ZFHX4: variants seen among roughly 807,000 people sequenced by gnomAD.
ZFHX4 encodes the protein zinc finger homeobox protein 4.
ZFHX4 carries 56 observed loss-of-function variants against 267.6 expected under a neutral mutation model. The observed-to-expected ratio is 0.21, with a 90% CI of 0.17 to 0.26. ZFHX4 has a LOEUF of 0.26. Ranked by LOEUF, ZFHX4 falls within the 10% of genes least tolerant of loss-of-function variation. ZFHX4 has a pLI of 1.00. For missense variants in ZFHX4, 4,332 were observed against 4,420.0 expected, an observed-to-expected ratio of 0.98 and a Z score of 0.56; for synonymous variants, 1,778 against 1,665.6, an observed-to-expected ratio of 1.07 and a Z score of -1.64.
chr8:76,681,350 C>G lies in ZFHX4; in HGVS notation c.-317C>G, dbSNP rs555665238. On this transcript the variant is annotated 5_prime_UTR_variant, in exon 1 of 11. Transcript: ENST00000651372. ...ACATATCGGATTTTCATTTCCTTTC[C>G]TCCTTTTCCCAACCCCTTCACAACC... 1 of 398,862 alleles carries G rather than the reference C, an allele frequency of 2.5e-6. No individual in the cohort carries two copies. The highest frequency in any genetic ancestry group is 1.3e-4 in the South Asian group (1 of 7,832). 24.7% of individuals were successfully genotyped at this position (398,862 alleles called of 1,614,324 possible).
intron 3 of ZFHX4, among the ~76,000 whole-genome samples, chr8:76,765,137 T>C (rs1810019511): frequency 1.3e-5 from 2 of 152,186 alleles, no homozygotes; most frequent in Non-Finnish European, 2.9e-5. Context: ...GGGCACTTGG[T>C]AACCTAAAAT....
chr8:76,828,863 T>C (rs555884936), intron 4 of ZFHX4, among the ~76,000 whole-genome samples: 2 of 152,370 alleles, frequency 1.3e-5, no homozygotes, highest in South Asian at 4.1e-4. Context: ...GCCTTTACTA[T>C]TTTACACCAG....
intron 1 of ZFHX4, among the ~76,000 whole-genome samples, chr8:76,697,825 G>A (rs116699084): frequency 0.014 from 2,137 of 152,048 alleles, 60 homozygotes; most frequent in African/African-American, 0.049. Context: ...AAATTAAAAG[G>A]ATCATATAGT....
At chr8:76,752,142 C>T (rs1336647301) in intron 3 of ZFHX4, among the ~76,000 whole-genome samples, 1 of 151,992 alleles carries the variant, frequency 6.6e-6, no homozygotes, top group Non-Finnish European at 1.5e-5. Context: ...CTTTACGGGA[C>T]ATCAGAATTC....
Position 76,853,316 on chromosome 8 carries a change from C to G in ZFHX4, c.6395C>G (p.Pro2132Arg). 6.2e-7 allele frequency: 1 copy of G among 1,613,322 alleles called. No individual in the cohort carries two copies. The highest frequency in any genetic ancestry group is 8.5e-7 in the Non-Finnish European group (1 of 1,179,576). The change falls in exon 10 of 11, where the codon CCA (proline) becomes CGA (arginine). Residue 2132 changes from proline to arginine, a missense_variant. Physicochemically the swap from Pro to Arg is moderately radical, Grantham distance 103 (BLOSUM62 -2). Transcript: ENST00000651372. ...NFLRHSQFKR[P>R]RTRITDDQLK... ...TTAAGACATTCTCAGTTCAAACGCC[C>G]ACGGACAAGAATTACAGATGATCAG...
chr8:76,718,361 A>C (rs1808631947), intron 3 of ZFHX4, among the ~76,000 whole-genome samples: 1 of 152,200 alleles, frequency 6.6e-6, no homozygotes, highest in Non-Finnish European at 1.5e-5. Flanking sequence ...CTTTAAACAG[A>C]AATCCTGTGA....
intron 3 of ZFHX4, among the ~76,000 whole-genome samples, chr8:76,747,356 C>T (rs771640355): frequency 9.2e-5 from 14 of 152,028 alleles, no homozygotes; most frequent in South Asian, 2.1e-4. Context: ...GTTCGGAGTA[C>T]AAATGATGTC....
chr8:76,855,636 G>C lies in ZFHX4; in HGVS notation c.8715G>C (p.Ala2905=). 1 of 1,613,792 alleles carries C rather than the reference G, an allele frequency of 6.2e-7. No individual in the cohort carries two copies. Among genetic ancestry groups the C allele is most frequent in the Non-Finnish European group, 8.5e-7 (1 of 1,179,828 alleles). The change falls in exon 10 of 11, where the codon GCG becomes GCC. Residue 2905 remains alanine (A), a synonymous_variant. Transcript: ENST00000651372. ...ACCGCAGCGAAACGTCCAGCATAGC[G>C]GACCCGAGCTCCCCAAATCCATTCG... ...NADRSETSSI[A]DPSSPNPFGS...
chr8:76,737,136 A>T (rs574360150), intron 3 of ZFHX4, among the ~76,000 whole-genome samples: 2 of 152,272 alleles, frequency 1.3e-5, no homozygotes, highest in East Asian at 3.9e-4. Flanking sequence ...CCCTATCTAC[A>T]ATCACAGTGT....
At chr8:76,736,862 T>C (rs756247495) in intron 3 of ZFHX4, among the ~76,000 whole-genome samples, 144 of 152,114 alleles carry the variant, frequency 9.5e-4, no homozygotes, top group Admixed American at 2.4e-3. Context: ...ATTGTAGGAG[T>C]AGTCCTGAAG....
intron 3 of ZFHX4, among the ~76,000 whole-genome samples, chr8:76,744,116 T>G (rs748726271): frequency 1.3e-5 from 2 of 151,904 alleles, no homozygotes; most frequent in African/African-American, 4.8e-5. Flanking sequence ...GAGGCTGAGG[T>G]GGGTGGATCA....
intron 4 of ZFHX4, among the ~76,000 whole-genome samples, chr8:76,813,170 A>G (rs1811420843): frequency 1.3e-5 from 2 of 152,052 alleles, no homozygotes; most frequent in Admixed American, 1.3e-4. Context: ...TTTGGGATTT[A>G]TTGGGGGAGG....
chr8:76,738,803 A>G (rs1371701411), intron 3 of ZFHX4, among the ~76,000 whole-genome samples: 1 of 150,606 alleles, frequency 6.6e-6, no homozygotes, highest in East Asian at 2.0e-4. Flanking sequence ...TAGCTTTGAC[A>G]TCCTGGATTC....
intron 10 of ZFHX4, among the ~76,000 whole-genome samples, chr8:76,861,985 A>C (rs1301656020): frequency 1.3e-5 from 2 of 152,102 alleles, no homozygotes; most frequent in Non-Finnish European, 1.5e-5. Context: ...TCCCTTGTTC[A>C]AGAATGAATT....
intron 3 of ZFHX4, among the ~76,000 whole-genome samples, chr8:76,765,669 G>A (rs986400777): frequency 2.6e-5 from 4 of 151,946 alleles, no homozygotes; most frequent in South Asian, 2.1e-4. Flanking sequence ...GAATTAAAAC[G>A]TCAGAAAATA....
Position 76,849,546 on chromosome 8 carries a change from G to T in ZFHX4, c.3680G>T (p.Arg1227Met). The T allele has an allele frequency of 6.2e-7, 1 of 1,613,882 alleles. No individual in the cohort carries two copies. Among genetic ancestry groups the T allele is most frequent in the Non-Finnish European group, 8.5e-7 (1 of 1,179,840 alleles). ...TGTCCTTATTGTAACTACAATAGTA[G>T]GGACCAAAGTCGTATCCAGATGCAC... Reference protein sequence around the residue: ...YQCPYCNYNSRDQSRIQMHVL... With the variant: ...YQCPYCNYNSMDQSRIQMHVL... Residue 1227 changes from arginine to methionine, a missense_variant, in exon 8 of 11, where the codon AGG becomes ATG. Coordinates refer to ENST00000651372, the MANE Select transcript of ZFHX4 (RefSeq NM_024721.5).
chr8:76,837,567 T>C (rs914638601), intron 5 of ZFHX4, among the ~76,000 whole-genome samples: 11 of 151,020 alleles, frequency 7.3e-5, no homozygotes, highest in African/African-American at 1.7e-4. Flanking sequence ...TAAAGGGAAA[T>C]AGGGGCTGGG....
At chr8:76,748,104 T>C (rs943602035) in intron 3 of ZFHX4, among the ~76,000 whole-genome samples, 1 of 152,236 alleles carries the variant, frequency 6.6e-6, no homozygotes, top group African/African-American at 2.4e-5. Flanking sequence ...ATGTTAATAG[T>C]CATTTTATAT....
At chr8:76,843,124 C>T (rs756818234) in intron 6 of ZFHX4, among the ~76,000 whole-genome samples, 16 of 152,144 alleles carry the variant, frequency 1.1e-4, no homozygotes, top group Non-Finnish European at 1.9e-4. Flanking sequence ...CCTCTGATGG[C>T]ATATTAATTT....
Sources: allele counts gnomAD v4.1 joint callset (sites outside exome capture counted in the v4.1 genomes callset), GRCh38; gene constraint gnomAD v4.1.1; transcripts MANE v1.5; gene names NCBI Gene and HGNC (gene_info 2026-07-23, HGNC 2026-07-21).